The following FMN2 variants were observed in gnomAD, a reference collection of about 807,000 sequenced individuals.
FMN2 encodes formin 2.
In FMN2, 51 loss-of-function variants were observed where a neutral mutation model predicts 142.3. The ratio of observed to expected loss-of-function variants is 0.36; its 90% confidence interval spans 0.29 to 0.45. The LOEUF (loss-of-function observed/expected upper bound fraction) is 0.45, where lower values mean the gene tolerates loss of function less well. FMN2 is among the 20% of genes least tolerant of loss of function. The pLI, the probability that FMN2 is intolerant of heterozygous loss-of-function variation, is 1.00. For synonymous variants in FMN2, 882 were observed against 869.8 expected (o/e 1.01, Z -0.25); for missense variants, 1,936 against 2,122.8 (o/e 0.91, Z 1.73).
At chr1:240,409,879 T>A (rs1674338423) in intron 15 of FMN2, among the ~76,000 whole-genome samples, 1 of 151,892 alleles carries the variant, frequency 6.6e-6, no homozygotes, top group Non-Finnish European at 1.5e-5. Flanking sequence ...TATTTCAGGG[T>A]CAAAATGTAC....
At chr1:240,352,089 T>TC (rs1335482436) in intron 13 of FMN2, among the ~76,000 whole-genome samples, 1 of 152,210 alleles carries the variant, frequency 6.6e-6, no homozygotes, top group Non-Finnish European at 1.5e-5. Flanking sequence ...GATTTTTTTT[T>TC]CCCTGCTAGC....
intron 7 of FMN2, among the ~76,000 whole-genome samples, chr1:240,282,869 A>G (rs1174595255): frequency 6.6e-6 from 1 of 152,210 alleles, no homozygotes; most frequent in African/African-American, 2.4e-5. Flanking sequence ...CACAAATTTA[A>G]AAGTTGCTTG....
At chr1:240,234,334 G>A (rs1228858885) in intron 6 of FMN2, among the ~76,000 whole-genome samples, 8 of 152,112 alleles carry the variant, frequency 5.3e-5, no homozygotes, top group Admixed American at 3.3e-4. Flanking sequence ...GGTGAGAAGG[G>A]CCAAAGAAAT....
At chr1:240,440,143 A>G (rs1465541319) in intron 16 of FMN2, among the ~76,000 whole-genome samples, 4 of 152,184 alleles carry the variant, frequency 2.6e-5, no homozygotes, top group Non-Finnish European at 4.4e-5. Flanking sequence ...CTGTCGGAGA[A>G]TGGCTTGGTC....
At chr1:240,429,773 C>T (rs1032946041) in intron 15 of FMN2, among the ~76,000 whole-genome samples, 3 of 152,002 alleles carry the variant, frequency 2.0e-5, no homozygotes, top group Non-Finnish European at 4.4e-5. Context: ...AGCATTTCAT[C>T]ATATTTATAG....
intron 7 of FMN2, among the ~76,000 whole-genome samples, chr1:240,280,359 G>A (rs1171978629): frequency 1.4e-5 from 2 of 140,898 alleles, no homozygotes; most frequent in Non-Finnish European, 3.1e-5. Flanking sequence ...GCACTACACT[G>A]AAAAAAGATG....
intron 7 of FMN2, among the ~76,000 whole-genome samples, chr1:240,263,253 C>G (rs1668690160): frequency 6.6e-6 from 1 of 152,158 alleles, no homozygotes; most frequent in South Asian, 2.1e-4. Context: ...TATAGGGGCT[C>G]TCACTGTGAT....
chr1:240,356,325 G>A (rs1672271450), intron 14 of FMN2, among the ~76,000 whole-genome samples: 1 of 151,962 alleles, frequency 6.6e-6, no homozygotes, highest in African/African-American at 2.4e-5. Context: ...TTGTACCCAG[G>A]GAACAAACTA....
intron 13 of FMN2, among the ~76,000 whole-genome samples, chr1:240,336,665 T>C (rs1219529872): frequency 1.3e-5 from 2 of 151,696 alleles, no homozygotes; most frequent in African/African-American, 2.4e-5. Context: ...CTGAAACATA[T>C]TTTGAGAAAT....
In FMN2 at chr1:240,312,986, C is replaced by G. The variant is rs79690974; in HGVS notation, c.4216-16090C>G. On this transcript the variant is annotated intron_variant, in intron 8 of 17. Coordinates refer to ENST00000319653, the MANE Select transcript of FMN2 (RefSeq NM_020066.5). Reference sequence around the variant, plus strand: ...CCCAGCACTTCTTCCTGTTCCTGACCTTTTCCTTCTCCTTACCCACCCATG... The same window carrying G: ...CCCAGCACTTCTTCCTGTTCCTGACGTTTTCCTTCTCCTTACCCACCCATG... 4.9e-3 allele frequency among the ~76,000 whole-genome samples: 752 copies of G among 152,264 alleles called. 8 individuals carry two copies. Among genetic ancestry groups the G allele is most frequent in the African/African-American group, 0.017 (707 of 41,560 alleles).
chr1:240,237,686 C>T (rs1667755633), intron 6 of FMN2, among the ~76,000 whole-genome samples: 2 of 143,686 alleles, frequency 1.4e-5, no homozygotes, highest in African/African-American at 5.1e-5. Context: ...CACTCCATTA[C>T]TGTTTATTGA....
chr1:240,306,772 G>A (rs979057646), intron 8 of FMN2, among the ~76,000 whole-genome samples: 1 of 152,136 alleles, frequency 6.6e-6, no homozygotes, highest in Non-Finnish European at 1.5e-5. Context: ...CCCACTAATG[G>A]GATTGCTGGA....
intron 2 of FMN2, among the ~76,000 whole-genome samples, chr1:240,162,555 T>G (rs1166402987): frequency 2.0e-5 from 3 of 152,194 alleles, no homozygotes; most frequent in African/African-American, 7.2e-5. Context: ...CCTTAAAAAT[T>G]ATGTTTTATC....
At chr1:240,315,972 A>G (rs1285755081) in intron 8 of FMN2, among the ~76,000 whole-genome samples, 3 of 152,222 alleles carry the variant, frequency 2.0e-5, no homozygotes, top group Non-Finnish European at 4.4e-5. Context: ...CATGCATAAC[A>G]TATATATAGG....
At chr1:240,422,868 A>C (rs1408822591) in intron 15 of FMN2, among the ~76,000 whole-genome samples, 2 of 152,178 alleles carry the variant, frequency 1.3e-5, no homozygotes, top group African/African-American at 4.8e-5. Flanking sequence ...TTGTCCCTCA[A>C]GGCCAGTCAG....
intron 7 of FMN2, among the ~76,000 whole-genome samples, chr1:240,268,999 G>A (rs759937364): frequency 2.0e-5 from 3 of 151,922 alleles, no homozygotes; most frequent in Non-Finnish European, 2.9e-5. Flanking sequence ...CTCCCAATTT[G>A]TGGTTGTCTC....
At chr1:240,440,057 A>G (rs1012553290) in intron 16 of FMN2, among the ~76,000 whole-genome samples, 1 of 152,122 alleles carries the variant, frequency 6.6e-6, no homozygotes, top group South Asian at 2.1e-4. Flanking sequence ...GATTTTAGAC[A>G]TCAGCAAGAT....
At chr1:240,398,881 T>G (rs1230398208) in intron 15 of FMN2, among the ~76,000 whole-genome samples, 2 of 152,218 alleles carry the variant, frequency 1.3e-5, no homozygotes, top group African/African-American at 4.8e-5. Context: ...TTTCACATTA[T>G]TTTTATAATC....
At position 240,438,211 on chromosome 1, in the gene FMN2, G is replaced by T; in HGVS notation, c.5060+1G>T. 1.2e-6 allele frequency: 2 copies of T among 1,611,510 alleles called. No homozygotes were observed. Among genetic ancestry groups the T allele is most frequent in the Non-Finnish European group, 1.7e-6 (2 of 1,179,286 alleles). ...AGAACAAACTTCTTCTACAAGAGAG[G>T]TAGGTATTTTCATTTGCACAATGGC... is the stretch of plus-strand genomic sequence containing the variant. On this transcript the variant is annotated splice_donor_variant, in intron 16 of 17. Transcript: ENST00000319653. LOFTEE classifies it high-confidence loss of function.
Sources: gnomAD v4.1 joint callset for allele counts (sites outside exome capture counted in the v4.1 genomes callset) on GRCh38, gnomAD v4.1.1 for gene constraint, MANE v1.5 for transcripts, NCBI Gene and HGNC (gene_info 2026-07-23, HGNC 2026-07-21) for gene names.